The following EML6 variants were observed in gnomAD, a reference collection of about 807,000 sequenced individuals.
The protein encoded by EML6 is echinoderm microtubule-associated protein-like 6.
Under a neutral mutation model 240.1 loss-of-function variants are expected in EML6, and 154 were observed. The observed-to-expected ratio is 0.64, with a 90% CI of 0.56 to 0.73. EML6 has a LOEUF of 0.73. EML6 is among the 30% of genes least tolerant of loss of function. EML6 has a pLI of 0.00. For synonymous variants in EML6, 1,148 were observed against 899.0 expected, an observed-to-expected ratio of 1.28 and a Z score of -4.95; for missense variants, 2,964 against 2,474.6, an observed-to-expected ratio of 1.20 and a Z score of -4.20.
chr2:54,941,904 C>T (rs945701395), intron 28 of EML6, among the ~76,000 whole-genome samples: 4 of 152,236 alleles, frequency 2.6e-5, no homozygotes, highest in Admixed American at 2.0e-4. Flanking sequence ...GACTCCTGTT[C>T]TTTATGAAGT....
chr2:54,846,716 T>C (rs1162997042), intron 8 of EML6, among the ~76,000 whole-genome samples: 2 of 152,102 alleles, frequency 1.3e-5, no homozygotes, highest in East Asian at 3.9e-4. Flanking sequence ...ACTCCTGGGC[T>C]CAAGCAATCT....
chr2:54,873,992 G>C (rs1330355006), intron 16 of EML6, among the ~76,000 whole-genome samples: 2 of 152,062 alleles, frequency 1.3e-5, no homozygotes, highest in Non-Finnish European at 2.9e-5. Flanking sequence ...ATGTGTATTA[G>C]CATATAAATA....
chr2:54,726,750 T>G (rs1417610548), intron 2 of EML6, among the ~76,000 whole-genome samples: 1 of 152,242 alleles, frequency 6.6e-6, no homozygotes, highest in African/African-American at 2.4e-5. Flanking sequence ...TGATTAACAA[T>G]GACTCATGAA....
At chr2:54,729,585 G>GT (rs1683065943) in intron 2 of EML6, among the ~76,000 whole-genome samples, 1 of 152,188 alleles carries the variant, frequency 6.6e-6, no homozygotes, top group African/African-American at 2.4e-5. Flanking sequence ...GATCTTGCCT[G>GT]TTGTCACTGT....
At chr2:54,744,931 CA>C (rs1374679212) in intron 2 of EML6, among the ~76,000 whole-genome samples, 30 of 147,154 alleles carry the variant, frequency 2.0e-4, no homozygotes, top group Admixed American at 3.3e-4. Flanking sequence ...CACACACACA[CA>C]CACACACACA....
chr2:54,729,445 C>T (rs1264314120), intron 2 of EML6, among the ~76,000 whole-genome samples: 11 of 152,216 alleles, frequency 7.2e-5, no homozygotes, highest in Admixed American at 7.2e-4. Flanking sequence ...GCTAACATTT[C>T]CTGAGTGCCA....
At position 54,847,640 on chromosome 2, in the gene EML6, AAAATGGTATTTAGAAATGCTCTCGTGTT is replaced by A. The variant is rs1287412166; in HGVS notation, c.1187+23_1187+50del. 1 of 1,551,100 alleles carries A rather than the reference AAAATGGTATTTAGAAATGCTCTCGTGTT, an allele frequency of 6.4e-7. No individual in the cohort carries two copies. The highest frequency in any genetic ancestry group is 1.2e-5 in the South Asian group (1 of 84,036). Reference sequence around the variant, plus strand: ...CCGAGTCAGGCACGTACTGATGTTGAAAATGGTATTTAGAAATGCTCTCGTGTTAAATGTTACAATTTTCCTGGTCATA... The same window carrying A: ...CCGAGTCAGGCACGTACTGATGTTGAAAATGTTACAATTTTCCTGGTCATA... On this transcript the variant is annotated intron_variant, in intron 9 of 41. Transcript: ENST00000356458.
chr2:54,776,635 A>G (rs564962886), intron 2 of EML6, among the ~76,000 whole-genome samples: 1 of 152,230 alleles, frequency 6.6e-6, no homozygotes, highest in East Asian at 1.9e-4. Flanking sequence ...TAGAAGCCCC[A>G]ACTCCAGCAT....
chr2:54,858,402 A>T (rs753921699), intron 11 of EML6, among the ~76,000 whole-genome samples: 11 of 152,230 alleles, frequency 7.2e-5, no homozygotes, highest in Non-Finnish European at 1.0e-4. Flanking sequence ...TCTGTGAGGA[A>T]GGTATAAAGG....
At chr2:54,843,387 CCA>C (rs1210133957) in intron 7 of EML6, among the ~76,000 whole-genome samples, 2 of 152,086 alleles carry the variant, frequency 1.3e-5, no homozygotes, top group Non-Finnish European at 2.9e-5. Context: ...TACAGTGCTA[CCA>C]CACTCCAGCC....
intron 25 of EML6, 102 bp from the exon 26 acceptor site, chr2:54,916,657 A>C (rs1573136069): frequency 1.1e-6 from 1 of 910,014 alleles, no homozygotes; most frequent in East Asian, 2.7e-5. Context: ...CAAATGCCTA[A>C]CGTTGGCAAA....
intron 2 of EML6, among the ~76,000 whole-genome samples, chr2:54,770,587 C>T (rs1311482177): frequency 2.0e-5 from 3 of 152,174 alleles, no homozygotes; most frequent in Non-Finnish European, 4.4e-5. Context: ...GTTCTTTCCA[C>T]TTCTCACTTC....
intron 7 of EML6, among the ~76,000 whole-genome samples, chr2:54,839,127 A>T (rs1669310286): frequency 1.3e-5 from 2 of 152,224 alleles, no homozygotes. Flanking sequence ...TCAGAAGTAG[A>T]AACTAAGCCT....
rs149431504 is a variant in EML6 at position 54,932,416 on chromosome 2, G to A, written c.4004+3665G>A. On this transcript the variant is annotated intron_variant, in intron 28 of 41. Coordinates refer to ENST00000356458, the MANE Select transcript of EML6 (RefSeq NM_001039753.4). ...ATCTGGGCACTCAGGGCTACCCCAC[G>A]CTGCCCTCCTTCATCCCCAGCCGAC... Among the ~76,000 whole-genome samples the A allele has an allele frequency of 1.3e-4, 20 of 152,240 alleles. 1 individual carries two copies. The East Asian group carries it at 2.3e-3, about 18-fold the overall frequency.
chr2:54,945,415 C>G (rs1387199612), intron 28 of EML6, among the ~76,000 whole-genome samples: 1 of 151,486 alleles, frequency 6.6e-6, no homozygotes, highest in African/African-American at 2.4e-5. Context: ...TGAACATTGT[C>G]TGATGAACAC....
chr2:54,965,368 C>A (rs377024209), intron 38 of EML6, among the ~76,000 whole-genome samples: 8 of 152,334 alleles, frequency 5.3e-5, no homozygotes, highest in Admixed American at 2.6e-4. Context: ...CTATGCTAGA[C>A]TTTTAGATGG....
At chr2:54,789,020 T>C (rs2103889869) in intron 2 of EML6, among the ~76,000 whole-genome samples, 1 of 152,316 alleles carries the variant, frequency 6.6e-6, no homozygotes, top group East Asian at 1.9e-4. Flanking sequence ...AGGTTTGCTA[T>C]CTTTTTGCTT....
intron 33 of EML6, among the ~76,000 whole-genome samples, chr2:54,958,834 G>A (rs1204526232): frequency 6.6e-6 from 1 of 152,154 alleles, no homozygotes; most frequent in Admixed American, 6.5e-5. Context: ...GCTTACAGAA[G>A]GGAAGTCCTT....
chr2:54,951,147 A>G (rs1018391316), intron 30 of EML6, among the ~76,000 whole-genome samples: 2 of 152,200 alleles, frequency 1.3e-5, no homozygotes, highest in South Asian at 4.1e-4. Context: ...TCATTTTTAC[A>G]ATGAGCTATT....
Sources: allele counts gnomAD v4.1 joint callset (sites outside exome capture counted in the v4.1 genomes callset), GRCh38; gene constraint gnomAD v4.1.1; transcripts MANE v1.5; gene names NCBI Gene and HGNC (gene_info 2026-07-23, HGNC 2026-07-21).